Variants in AP3B1 observed in about 807,000 individuals in gnomAD.
AP3B1 encodes the protein AP-3 complex subunit beta-1.
In AP3B1, 61 loss-of-function variants were observed where a neutral mutation model predicts 132.5. The ratio of observed to expected loss-of-function variants is 0.46; its 90% CI spans 0.37 to 0.57. The LOEUF (loss-of-function observed/expected upper bound fraction) is 0.57. Ranked by LOEUF, AP3B1 falls within the 20% of genes least tolerant of loss-of-function variation. AP3B1 has a pLI of 0.00. For synonymous variants in AP3B1, 388 were observed against 438.3 expected (o/e 0.89, Z 1.43); for missense variants, 1,120 against 1,289.4 (o/e 0.87, Z 2.01).
At position 78,004,248 on chromosome 5, in the gene AP3B1, G is replaced by A. The variant is rs549628303; in HGVS notation, c.3132-1193C>T. Among the ~76,000 whole-genome samples, 31 of 152,276 alleles carry A rather than the reference G, an allele frequency of 2.0e-4. 1 individual carries two copies. In the South Asian group the frequency reaches 6.2e-3, roughly 31 times the overall value. The stretch of plus-strand genomic sequence containing the variant: ...TAAAAATAAAACTGCCGCGCTAACA[G>A]CACGCTGCGGACTATTCAAGAGCAA... On this transcript the variant is annotated intron_variant, in intron 26 of 26. Transcript: ENST00000255194.
intron 19 of AP3B1, among the ~76,000 whole-genome samples, chr5:78,111,669 C>T (rs1337864497): frequency 6.6e-6 from 1 of 152,154 alleles, no homozygotes; most frequent in African/African-American, 2.4e-5. Flanking sequence ...ACACCCTTCT[C>T]TCAGGGGATG....
chr5:78,124,420 C>G (rs1752375064), intron 17 of AP3B1, among the ~76,000 whole-genome samples: 1 of 152,072 alleles, frequency 6.6e-6, no homozygotes, highest in South Asian at 2.1e-4. Flanking sequence ...TTAAAAACCA[C>G]TAGTCTAAGG....
At chr5:78,240,812 G>GGT in intron 3 of AP3B1, 50 bp downstream of exon 3, 1 of 1,257,856 alleles carries the variant, frequency 8.0e-7, no homozygotes. Context: ...AAAAGTGTAC[G>GGT]GTCCCATGAA....
At chr5:78,096,470 C>G (rs1278163309) in intron 21 of AP3B1, among the ~76,000 whole-genome samples, 1 of 151,858 alleles carries the variant, frequency 6.6e-6, no homozygotes, top group Non-Finnish European at 1.5e-5. Flanking sequence ...GCCTGGCCGC[C>G]CATCGTCTGG....
Position 78,221,941 on chromosome 5 carries a change from T to C in AP3B1, c.603+3601A>G, listed in dbSNP as rs570900897. Among the ~76,000 whole-genome samples the C allele has an allele frequency of 1.9e-4, 29 of 152,270 alleles. No individual in the cohort carries two copies. The South Asian group carries it at 5.6e-3, about 29-fold the overall frequency. On this transcript the variant is annotated intron_variant, in intron 6 of 26. Coordinates refer to ENST00000255194, the MANE Select transcript of AP3B1 (RefSeq NM_003664.5). Reference sequence around the variant, plus strand: ...TCTTCAGGGCCAGCATCTTTCTTAATGCAAACACAATGTAAGCATTTCCTT... The same window carrying C: ...TCTTCAGGGCCAGCATCTTTCTTAACGCAAACACAATGTAAGCATTTCCTT...
At chr5:78,055,125 G>T (rs1398866081) in intron 22 of AP3B1, among the ~76,000 whole-genome samples, 2 of 152,054 alleles carry the variant, frequency 1.3e-5, no homozygotes, top group Non-Finnish European at 2.9e-5. Flanking sequence ...GTAAGGAGGT[G>T]GGGATGGAGA....
chr5:78,177,303 T>C (rs938190492), intron 9 of AP3B1, 36 bp downstream of exon 9: 10 of 1,413,228 alleles, frequency 7.1e-6, no homozygotes, highest in Non-Finnish European at 1.0e-5. Context: ...TTTGAAGGAA[T>C]ACAAAAGAAA....
At chr5:78,200,858 C>A (rs1049209960) in intron 7 of AP3B1, among the ~76,000 whole-genome samples, 3 of 152,060 alleles carry the variant, frequency 2.0e-5, no homozygotes, top group Admixed American at 2.0e-4. Context: ...ACTGTGCCCC[C>A]CAACCCTAAA....
At chr5:78,197,049 T>C (rs771559846) in intron 7 of AP3B1, among the ~76,000 whole-genome samples, 1 of 152,160 alleles carries the variant, frequency 6.6e-6, no homozygotes, top group Non-Finnish European at 1.5e-5. Flanking sequence ...TTAATGTAAA[T>C]TCATTGATCG....
intron 2 of AP3B1, among the ~76,000 whole-genome samples, chr5:78,259,081 C>CA (rs1261114852): frequency 2.6e-5 from 4 of 151,730 alleles, no homozygotes; most frequent in East Asian, 1.9e-4. Flanking sequence ...ATTAAAAATA[C>CA]AAAAAAATAC....
chr5:78,030,298 T>C (rs1236412002), intron 24 of AP3B1, among the ~76,000 whole-genome samples: 3 of 152,172 alleles, frequency 2.0e-5, no homozygotes, highest in Admixed American at 6.5e-5. Context: ...TCACCATGCC[T>C]GGTTCTGTCT....
At chr5:78,059,638 C>T (rs1748958557) in intron 22 of AP3B1, among the ~76,000 whole-genome samples, 1 of 152,110 alleles carries the variant, frequency 6.6e-6, no homozygotes, top group African/African-American at 2.4e-5. Context: ...TTGTCAGAAT[C>T]AGTTTAGACA....
chr5:78,195,601 C>T (rs1001843082), intron 7 of AP3B1, among the ~76,000 whole-genome samples: 3 of 152,046 alleles, frequency 2.0e-5, no homozygotes, highest in Admixed American at 6.6e-5. Flanking sequence ...GGGCAGATCA[C>T]GAGGTCAGGA....
At chr5:78,137,295 TTAATTCCTAGCTGTGTTTCTCTGAA>T (rs1488084327) in intron 15 of AP3B1, among the ~76,000 whole-genome samples, 25 of 152,148 alleles carry the variant, frequency 1.6e-4, no homozygotes, top group Non-Finnish European at 3.2e-4. Flanking sequence ...GCTTGGTTCT[TTAATTCCTAGCTGTGTTTCTCTGAA>T]TCCACCCTGC....
intron 26 of AP3B1, among the ~76,000 whole-genome samples, chr5:78,005,730 A>G (rs57716474): frequency 0.04 from 6,122 of 152,302 alleles, 420 homozygotes; most frequent in African/African-American, 0.14. Flanking sequence ...TTCACAGTTC[A>G]GAAAGGATAT....
chr5:78,009,949 G>A (rs950622368), intron 26 of AP3B1, among the ~76,000 whole-genome samples: 3 of 152,082 alleles, frequency 2.0e-5, no homozygotes, highest in Non-Finnish European at 2.9e-5. Flanking sequence ...GTTAATTTGC[G>A]GTTCATGAAA....
At chr5:78,280,496 C>T (rs576902568) in intron 1 of AP3B1, among the ~76,000 whole-genome samples, 6 of 152,236 alleles carry the variant, frequency 3.9e-5, no homozygotes, top group African/African-American at 1.4e-4. Flanking sequence ...AGGCATGGTG[C>T]CACAGTAACA....
At chr5:78,083,869 G>T (rs1750119973) in intron 22 of AP3B1, among the ~76,000 whole-genome samples, 1 of 151,992 alleles carries the variant, frequency 6.6e-6, no homozygotes. Flanking sequence ...AAAAGCAATT[G>T]TTCTTTGGGT....
At chr5:78,290,201 T>C (rs1749453545) in intron 1 of AP3B1, among the ~76,000 whole-genome samples, 1 of 152,198 alleles carries the variant, frequency 6.6e-6, no homozygotes, top group Non-Finnish European at 1.5e-5. Context: ...ATGGAAAACA[T>C]CAACTTAAAT....
Sources: gnomAD v4.1 joint callset for allele counts (sites outside exome capture counted in the v4.1 genomes callset) on GRCh38, gnomAD v4.1.1 for gene constraint, MANE v1.5 for transcripts, NCBI Gene and HGNC (gene_info 2026-07-23, HGNC 2026-07-21) for gene names.